Variants in SIMC1 observed in about 807,000 individuals in gnomAD.
SIMC1 encodes SUMO-interacting motif-containing protein 1.
A neutral mutation model predicts 82.3 loss-of-function variants in SIMC1; 55 were observed. That is an observed-to-expected ratio of 0.67 (90% CI 0.54 to 0.84). The LOEUF (loss-of-function observed/expected upper bound fraction) is 0.84. Ranked by LOEUF, SIMC1 falls within the 40% of genes least tolerant of loss-of-function variation. The probability of loss-of-function intolerance (pLI) is 0.00; values close to 1 mark genes in which losing one functional copy is unlikely to be tolerated. For missense variants in SIMC1, 915 were observed against 1,107.2 expected, an observed-to-expected ratio of 0.83 and a Z score of 2.46; for synonymous variants, 353 against 426.3, an observed-to-expected ratio of 0.83 and a Z score of 2.12.
At chr5:176,305,586 G>A (rs1764304337) in intron 4 of SIMC1, among the ~76,000 whole-genome samples, 1 of 143,652 alleles carries the variant, frequency 7.0e-6, no homozygotes, top group South Asian at 2.2e-4. Context: ...AGGTGGGGGG[G>A]TCAGCCCTCC....
intron 3 of SIMC1, 176 bp from the exon 4 acceptor site, chr5:176,296,074 CA>C: frequency 8.3e-7 from 1 of 1,198,870 alleles, no homozygotes; most frequent in African/African-American, 1.5e-5. Context: ...TACTGGGTAG[CA>C]AAAAACAATG....
chr5:176,322,489 C>G, intron 6 of SIMC1, 64 bp downstream of exon 6: 1 of 1,493,058 alleles, frequency 6.7e-7, no homozygotes, highest in South Asian at 1.3e-5. Flanking sequence ...GAGAACAACA[C>G]CAATCCCTAA....
chr5:176,252,625 G>A (rs374658660), intron 1 of SIMC1, among the ~76,000 whole-genome samples: 17,045 of 150,078 alleles, frequency 0.11, 1,025 homozygotes, highest in Admixed American at 0.15. Flanking sequence ...ATGGGATGGC[G>A]GCCGGGCAGA....
intron 1 of SIMC1, among the ~76,000 whole-genome samples, chr5:176,275,260 T>C (rs1429996466): frequency 6.6e-6 from 1 of 151,822 alleles, no homozygotes. Context: ...AGTTCACTCA[T>C]GATTTGGCTC....
chr5:176,291,103 T>C, intron 2 of SIMC1, 148 bp downstream of exon 2: 1 of 534,166 alleles, frequency 1.9e-6, no homozygotes, highest in Non-Finnish European at 3.3e-6. Context: ...CCATTCAGTG[T>C]AGAGGCCCAG....
intron 5 of SIMC1, among the ~76,000 whole-genome samples, chr5:176,317,823 C>T (rs528764914): frequency 3.3e-5 from 5 of 152,100 alleles, no homozygotes; most frequent in Admixed American, 2.6e-4. Context: ...GTTGTGTTAC[C>T]GGTGGAGGGT....
Position 176,317,100 on chromosome 5 carries a change from G to T in SIMC1, c.1889+3255G>T, listed in dbSNP as rs147877254. Among the ~76,000 whole-genome samples, 524 of 152,238 alleles carry T rather than the reference G, an allele frequency of 3.4e-3. 1 individual carries two copies. The highest frequency in any genetic ancestry group is 5.7e-3 in the Non-Finnish European group (390 of 68,018). On this transcript the variant is annotated intron_variant, in intron 5 of 9. Coordinates refer to ENST00000429602, the MANE Select transcript of SIMC1 (RefSeq NM_001308195.2). ...TGAAAAAAATCATTTGTTTCAGTTG[G>T]CAGGAAAATGAGCTATCTTTGATTC...
intron 4 of SIMC1, among the ~76,000 whole-genome samples, chr5:176,307,719 CTT>C (rs1764489101): frequency 6.6e-6 from 1 of 152,156 alleles, no homozygotes; most frequent in Non-Finnish European, 1.5e-5. Flanking sequence ...AATTTTTAAA[CTT>C]TTGTTAAAAG....
At chr5:176,255,424 A>G (rs1386703723) in intron 1 of SIMC1, among the ~76,000 whole-genome samples, 1 of 152,064 alleles carries the variant, frequency 6.6e-6, no homozygotes, top group African/African-American at 2.4e-5. Flanking sequence ...TCTACTAAAA[A>G]TACAAAAAAT....
intron 1 of SIMC1, among the ~76,000 whole-genome samples, chr5:176,255,990 C>G (rs1467080686): frequency 2.0e-5 from 3 of 152,060 alleles, no homozygotes; most frequent in Admixed American, 6.6e-5. Flanking sequence ...ACCTGCAAAT[C>G]ACATGAAACA....
At chr5:176,243,403 G>A (rs1479089763) in intron 1 of SIMC1, among the ~76,000 whole-genome samples, 3 of 152,104 alleles carry the variant, frequency 2.0e-5, no homozygotes, top group Non-Finnish European at 2.9e-5. Flanking sequence ...GAAGAGATGA[G>A]AAGTAGGTAG....
In SIMC1 at chr5:176,322,671, C is replaced by T. The variant is rs567926937; in HGVS notation, c.2042+246C>T. On this transcript the variant is annotated intron_variant, in intron 6 of 9. Transcript: ENST00000429602. ...TGAATACGAAGTCACAACGCAGATG[C>T]AAAACAAATGCTAGAGGACACTGCC... 17 of 439,684 alleles carry T rather than the reference C, an allele frequency of 3.9e-5. 1 individual carries two copies. The South Asian group carries it at 8.2e-4, about 21-fold the overall frequency. 27.2% of individuals were successfully genotyped at this position (439,684 alleles called of 1,614,324 possible). A position where few individuals can be genotyped will look rare whatever the true frequency, so the allele number is the denominator to read the frequency against.
At chr5:176,316,848 A>G (rs1764934392) in intron 5 of SIMC1, among the ~76,000 whole-genome samples, 1 of 152,100 alleles carries the variant, frequency 6.6e-6, no homozygotes, top group African/African-American at 2.4e-5. Context: ...ACAGCCAGGC[A>G]TGGTGGTGCA....
chr5:176,285,248 G>A (rs1387062906), intron 1 of SIMC1, among the ~76,000 whole-genome samples: 7 of 152,202 alleles, frequency 4.6e-5, no homozygotes, highest in East Asian at 1.9e-4. Context: ...ATAAAATACT[G>A]GCAAACCGAA....
chr5:176,304,619 A>G (rs992863782), intron 4 of SIMC1, among the ~76,000 whole-genome samples: 2 of 146,230 alleles, frequency 1.4e-5, no homozygotes, highest in African/African-American at 5.0e-5. Context: ...CCCGTCTGGG[A>G]AGTGAGGAGT....
At chr5:176,323,987 C>CAAAAA in intron 6 of SIMC1, among the ~76,000 whole-genome samples, 1 of 96,952 alleles carries the variant, frequency 1.0e-5, no homozygotes, top group Non-Finnish European at 2.2e-5. Context: ...GACTCCATCT[C>CAAAAA]AAAAAAAAAA....
intron 1 of SIMC1, among the ~76,000 whole-genome samples, chr5:176,254,075 A>G (rs984707908): frequency 1.1e-4 from 16 of 152,180 alleles, no homozygotes; most frequent in Non-Finnish European, 1.9e-4. Context: ...TCTAACTAAT[A>G]GATAATATAG....
intron 4 of SIMC1, among the ~76,000 whole-genome samples, chr5:176,311,010 A>T (rs1405351471): frequency 6.6e-6 from 1 of 152,218 alleles, no homozygotes; most frequent in East Asian, 1.9e-4. Context: ...TATTTCTAAG[A>T]AATGTTTAGA....
intron 1 of SIMC1, among the ~76,000 whole-genome samples, chr5:176,282,944 T>C (rs1487978219): frequency 6.6e-6 from 1 of 152,032 alleles, no homozygotes; most frequent in Non-Finnish European, 1.5e-5. Flanking sequence ...ATCAAATGAA[T>C]GAAATGAAGC....
Sources: allele counts gnomAD v4.1 joint callset (sites outside exome capture counted in the v4.1 genomes callset), GRCh38; gene constraint gnomAD v4.1.1; transcripts MANE v1.5; gene names NCBI Gene and HGNC (gene_info 2026-07-23, HGNC 2026-07-21).